RAB38: variants seen among roughly 807,000 people sequenced by gnomAD.
RAB38 encodes the protein RAB38, member RAS oncogene family.
Under a neutral mutation model 18.4 loss-of-function variants are expected in RAB38, and 15 were observed. That is an observed-to-expected ratio of 0.82 (90% CI 0.55 to 1.26). RAB38 has a LOEUF of 1.26. RAB38 is among the 50% of genes most tolerant of loss of function. The pLI, the probability that RAB38 is intolerant of heterozygous loss-of-function variation, is 0.00. For missense variants in RAB38, 294 were observed against 267.4 expected (o/e 1.10, Z -0.69); for synonymous variants, 101 against 104.4 (o/e 0.97, Z 0.20).
At chr11:88,052,919 T>TCATATATATATTTC in the RAB38 span, among the ~76,000 whole-genome samples, 39 of 27,820 alleles carry the variant, frequency 1.4e-3, 4 homozygotes, top group Admixed American at 4.7e-3. Context: ...TATATATATA[T>TCATATATATATTTC]ATATATATAT....
chr11:87,950,485 G>A, the RAB38 span, among the ~76,000 whole-genome samples: 1 of 152,148 alleles, frequency 6.6e-6, no homozygotes, highest in Admixed American at 6.5e-5. Context: ...TAGCCTCAAT[G>A]GTCTTTACAA....
At chr11:87,969,055 G>A in the RAB38 span, among the ~76,000 whole-genome samples, 1 of 152,088 alleles carries the variant, frequency 6.6e-6, no homozygotes, top group African/African-American at 2.4e-5. Context: ...ATATCTAAGG[G>A]TATGTGTTAA....
At chr11:87,868,605 GAGA>G in the RAB38 span, among the ~76,000 whole-genome samples, 15 of 76,330 alleles carry the variant, frequency 2.0e-4, no homozygotes, top group African/African-American at 5.2e-4. Context: ...GAGAGAGAGA[GAGA>G]GAGAGAGAGA....
the RAB38 span, among the ~76,000 whole-genome samples, chr11:87,861,686 T>A: frequency 2.6e-5 from 4 of 151,814 alleles, no homozygotes; most frequent in African/African-American, 9.7e-5. Context: ...TAGCGAGTCC[T>A]CCACCGCAAC....
chr11:88,061,735 T>C, the RAB38 span: 2 of 152,302 alleles, frequency 1.3e-5, no homozygotes, highest in South Asian at 4.1e-4. Flanking sequence ...TGATTTCCTC[T>C]TGTGATCAAC....
At chr11:88,079,953 A>C in the RAB38 span, among the ~76,000 whole-genome samples, 1 of 151,808 alleles carries the variant, frequency 6.6e-6, no homozygotes, top group Non-Finnish European at 1.5e-5. Flanking sequence ...AATGGAAACA[A>C]AGCAAATACT....
At chr11:87,954,795 C>G in the RAB38 span, among the ~76,000 whole-genome samples, 1 of 152,024 alleles carries the variant, frequency 6.6e-6, no homozygotes. Flanking sequence ...GTGATGGGCA[C>G]CTACTGTGCT....
the RAB38 span, among the ~76,000 whole-genome samples, chr11:87,804,292 G>C: frequency 6.6e-6 from 1 of 152,138 alleles, no homozygotes; most frequent in Non-Finnish European, 1.5e-5. Flanking sequence ...GTGGGTGTAT[G>C]CATTGTCCTA....
chr11:87,818,588 A>C, the RAB38 span, among the ~76,000 whole-genome samples: 2 of 152,172 alleles, frequency 1.3e-5, no homozygotes. Flanking sequence ...TCTCAAATAG[A>C]AATTTTTAAT....
At chr11:88,061,142 T>C in the RAB38 span, among the ~76,000 whole-genome samples, 2 of 152,286 alleles carry the variant, frequency 1.3e-5, no homozygotes, top group East Asian at 3.9e-4. Context: ...AATCATGCGA[T>C]ATTGACAGAC....
At chr11:87,899,402 T>C in the RAB38 span, among the ~76,000 whole-genome samples, 4 of 151,692 alleles carry the variant, frequency 2.6e-5, no homozygotes, top group African/African-American at 9.7e-5. Context: ...TCCTCTAAGC[T>C]GTTTTTATTT....
chr11:88,076,988 G>GAAAAA, the RAB38 span, among the ~76,000 whole-genome samples: 1 of 70,460 alleles, frequency 1.4e-5, no homozygotes, highest in Non-Finnish European at 3.1e-5. Context: ...AAGAAAGAAA[G>GAAAAA]AAAAGAAAAG....
At chr11:87,884,902 A>G in the RAB38 span, among the ~76,000 whole-genome samples, 2 of 152,018 alleles carry the variant, frequency 1.3e-5, no homozygotes, top group East Asian at 3.9e-4. Context: ...TTATCTGATC[A>G]TTATGGCCCT....
At chr11:87,939,575 T>C in the RAB38 span, among the ~76,000 whole-genome samples, 1 of 152,050 alleles carries the variant, frequency 6.6e-6, no homozygotes, top group Non-Finnish European at 1.5e-5. Context: ...GCAGCACAGT[T>C]GGCCAGGCAT....
chr11:88,064,315 T>C, the RAB38 span, among the ~76,000 whole-genome samples: 1 of 152,216 alleles, frequency 6.6e-6, no homozygotes, highest in Non-Finnish European at 1.5e-5. Context: ...AAGATAACAT[T>C]TCCAACTCCT....
chr11:88,044,692 G>C, the RAB38 span, among the ~76,000 whole-genome samples: 5 of 152,204 alleles, frequency 3.3e-5, no homozygotes, highest in Non-Finnish European at 7.4e-5. Flanking sequence ...TGTAGTCTCT[G>C]TTCCCAATGC....
chr11:88,048,952 T>A, the RAB38 span, among the ~76,000 whole-genome samples: 1 of 152,134 alleles, frequency 6.6e-6, no homozygotes, highest in African/African-American at 2.4e-5. Context: ...TTCCGTTTAG[T>A]TTTTCAATTC....
At chr11:87,946,459 A>G in the RAB38 span, among the ~76,000 whole-genome samples, 39 of 152,250 alleles carry the variant, frequency 2.6e-4, no homozygotes, top group Non-Finnish European at 5.6e-4. Flanking sequence ...TTACATATAT[A>G]TACATGTGCC....
At chr11:87,908,410 C>T in the RAB38 span, among the ~76,000 whole-genome samples, 1 of 152,002 alleles carries the variant, frequency 6.6e-6, no homozygotes, top group African/African-American at 2.4e-5. Context: ...TGGGTGAACA[C>T]TCCTTTGGTG....
Sources: allele counts gnomAD v4.1 joint callset (sites outside exome capture counted in the v4.1 genomes callset), GRCh38; gene constraint gnomAD v4.1.1; transcripts MANE v1.5; gene names NCBI Gene and HGNC (gene_info 2026-07-23, HGNC 2026-07-21).